Variants in SKAP2 observed in about 807,000 individuals in gnomAD.
SKAP2 encodes the protein src kinase-associated phosphoprotein 2.
Under a neutral mutation model 54.9 loss-of-function variants are expected in SKAP2, and 28 were observed. The observed-to-expected ratio is 0.51, with a 90% CI of 0.38 to 0.70. The LOEUF is 0.70. Ranked by LOEUF, SKAP2 falls within the 30% of genes least tolerant of loss-of-function variation. SKAP2 has a pLI of 0.00. For synonymous variants in SKAP2, 137 were observed against 134.3 expected, an observed-to-expected ratio of 1.02 and a Z score of -0.14; for missense variants, 356 against 424.1, an observed-to-expected ratio of 0.84 and a Z score of 1.41.
intron 8 of SKAP2, 132 bp from the exon 9 acceptor site, chr7:26,725,697 A>G: frequency 1.0e-6 from 1 of 996,158 alleles, no homozygotes; most frequent in Non-Finnish European, 1.4e-6. Flanking sequence ...AACTAAAAAC[A>G]TGTTTAAAAA....
At chr7:26,756,442 C>T (rs1477934803) in intron 4 of SKAP2, among the ~76,000 whole-genome samples, 1 of 152,018 alleles carries the variant, frequency 6.6e-6, no homozygotes, top group Non-Finnish European at 1.5e-5. Flanking sequence ...GTTTTTTGTC[C>T]TTGTGATAGT....
intron 11 of SKAP2, among the ~76,000 whole-genome samples, chr7:26,677,414 A>G (rs1471656028): frequency 2.0e-5 from 3 of 151,436 alleles, no homozygotes; most frequent in Admixed American, 6.6e-5. Flanking sequence ...AAAAAAAAAA[A>G]AGAAGTGATC....
chr7:26,665,192 G>C (rs979041793), downstream of SKAP2, among the ~76,000 whole-genome samples: 4 of 152,288 alleles, frequency 2.6e-5, no homozygotes, highest in Non-Finnish European at 4.4e-5. Flanking sequence ...CAGGGCAGCA[G>C]TGATTTGAGA....
Position 26,840,013 on chromosome 7 carries a change from TATG to T in SKAP2, c.307+4014_307+4016del, listed in dbSNP as rs1410782603. On this transcript the variant is annotated intron_variant, in intron 4 of 12. Transcript: ENST00000345317. ...AAAAAAAATTTTTAATATTATAAAT[TATG>T]ATAATAGTTCAGCCTTTTTCTTAAT... Among the ~76,000 whole-genome samples the T allele has an allele frequency of 3.9e-5, 6 of 151,998 alleles. No individual in the cohort carries two copies. The South Asian group carries it at 1.0e-3, about 26-fold the overall frequency.
At chr7:26,851,510 G>A (rs1232798805) in intron 3 of SKAP2, among the ~76,000 whole-genome samples, 1 of 151,918 alleles carries the variant, frequency 6.6e-6, no homozygotes. Context: ...GGTGGGAACT[G>A]AACAATGAGA....
Position 26,684,750 on chromosome 7 carries a change from A to G in SKAP2, c.973T>C (p.Tyr325His), listed in dbSNP as rs1786591571. ...TATCTTCTTACCTTGCTAAGAATGTAAATCACATCACCACGCTTAAATGAC... is the reference window on the plus strand; with the variant it reads ...TATCTTCTTACCTTGCTAAGAATGTGAATCACATCACCACGCTTAAATGAC... ...ELSFKRGDVI[Y>H]ILSKEYNRYG... The change falls in exon 11 of 13, where the codon TAC becomes CAC. Residue 325 changes from tyrosine to histidine, a missense_variant. Physicochemically the swap from Tyr to His is moderately conservative, Grantham distance 83. Transcript: ENST00000345317. The G allele has an allele frequency of 6.2e-7, 1 of 1,607,320 alleles. No homozygotes were observed. Among genetic ancestry groups the G allele is most frequent in the African/African-American group, 1.3e-5 (1 of 74,764 alleles).
chr7:26,663,936 T>C (rs143255635), downstream of SKAP2, among the ~76,000 whole-genome samples: 45 of 152,308 alleles, frequency 3.0e-4, no homozygotes, highest in African/African-American at 1.1e-3. Context: ...ATGATAACCA[T>C]GGTATGCTTT....
At chr7:26,829,735 G>A (rs985195800) in intron 4 of SKAP2, among the ~76,000 whole-genome samples, 3 of 152,018 alleles carry the variant, frequency 2.0e-5, no homozygotes, top group Non-Finnish European at 2.9e-5. Context: ...TAGGATGGCC[G>A]AAATAAAAAA....
chr7:26,704,114 G>A (rs1415180603), intron 9 of SKAP2, among the ~76,000 whole-genome samples: 1 of 152,038 alleles, frequency 6.6e-6, no homozygotes, highest in Non-Finnish European at 1.5e-5. Flanking sequence ...AAATAATTTG[G>A]CTAACTGACA....
intron 4 of SKAP2, among the ~76,000 whole-genome samples, chr7:26,755,412 A>G (rs1222605785): frequency 6.6e-6 from 1 of 152,122 alleles, no homozygotes; most frequent in Admixed American, 6.5e-5. Flanking sequence ...GTGTATTTAT[A>G]GGAGAAAACA....
At chr7:26,767,651 G>A (rs549435636) in intron 4 of SKAP2, among the ~76,000 whole-genome samples, 4 of 152,236 alleles carry the variant, frequency 2.6e-5, no homozygotes, top group Non-Finnish European at 4.4e-5. Flanking sequence ...AGAGATTCTG[G>A]TATGTTGTCT....
Position 26,684,846 on chromosome 7 carries a change from C to A in SKAP2, c.877G>T (p.Asp293Tyr), listed in dbSNP as rs754587616. 2 of 1,585,048 alleles carry A rather than the reference C, an allele frequency of 1.3e-6. No homozygotes were observed. Among genetic ancestry groups the A allele is most frequent in the Admixed American group, 3.4e-5 (2 of 59,408 alleles). ...AAATTAGCATAATCAGTGCTCTTAT[C>A]CCCTAGGAAGAAGAAAGAGAAAGCA... ...SQDSVHHTSG[D>Y]KSTDYANFYQ... The change falls in exon 11 of 13, where the codon GAT becomes TAT. Residue 293 changes from aspartate to tyrosine, a missense_variant and splice_region_variant. Asp to Tyr is a radical substitution (Grantham distance 160). Coordinates refer to ENST00000345317, the MANE Select transcript of SKAP2 (RefSeq NM_003930.5).
At chr7:26,675,977 G>GCC (rs971274711) in intron 11 of SKAP2, among the ~76,000 whole-genome samples, 29 of 152,356 alleles carry the variant, frequency 1.9e-4, no homozygotes, top group Admixed American at 1.8e-3. Context: ...AGCACTGAAA[G>GCC]AAGTTAAGAC....
At chr7:26,757,153 C>T (rs1258116796) in intron 4 of SKAP2, among the ~76,000 whole-genome samples, 1 of 152,142 alleles carries the variant, frequency 6.6e-6, no homozygotes, top group Non-Finnish European at 1.5e-5. Flanking sequence ...GTTTCTTTTG[C>T]TGTGCAGAAG....
At chr7:26,698,905 C>G (rs1222607953) in intron 9 of SKAP2, among the ~76,000 whole-genome samples, 1 of 152,194 alleles carries the variant, frequency 6.6e-6, no homozygotes. Context: ...CAGCTCCCCA[C>G]TATTTAAAGA....
At chr7:26,830,125 A>G (rs1263308739) in intron 4 of SKAP2, among the ~76,000 whole-genome samples, 1 of 152,212 alleles carries the variant, frequency 6.6e-6, no homozygotes, top group African/African-American at 2.4e-5. Context: ...AAGTAAAAAA[A>G]GCCAGACATA....
intron 1 of SKAP2, among the ~76,000 whole-genome samples, chr7:26,860,486 G>T (rs1785252889): frequency 6.6e-6 from 1 of 152,048 alleles, no homozygotes; most frequent in Non-Finnish European, 1.5e-5. Flanking sequence ...CTGCCCAAAT[G>T]GGGCAGGCTT....
intron 4 of SKAP2, among the ~76,000 whole-genome samples, chr7:26,760,704 A>G (rs761525522): frequency 6.6e-6 from 1 of 152,196 alleles, no homozygotes; most frequent in Non-Finnish European, 1.5e-5. Context: ...AACTGAAACC[A>G]CAGAAGCAAA....
chr7:26,785,587 T>C (rs1008891432), intron 4 of SKAP2, among the ~76,000 whole-genome samples: 2 of 152,136 alleles, frequency 1.3e-5, no homozygotes, highest in African/African-American at 2.4e-5. Context: ...TGTCTAAATA[T>C]TAAGAAGTTT....
Sources: gnomAD v4.1 joint callset for allele counts (sites outside exome capture counted in the v4.1 genomes callset) on GRCh38, gnomAD v4.1.1 for gene constraint, MANE v1.5 for transcripts, NCBI Gene and HGNC (gene_info 2026-07-23, HGNC 2026-07-21) for gene names.